Variants in PCDHA8 observed in about 807,000 individuals in gnomAD.
PCDHA8 encodes the protein protocadherin alpha 8.
Under a neutral mutation model 61.8 loss-of-function variants are expected in PCDHA8, and 53 were observed. The ratio of observed to expected loss-of-function variants is 0.86; its 90% confidence interval spans 0.69 to 1.08. PCDHA8 has a LOEUF of 1.08. PCDHA8 is among the 50% of genes least tolerant of loss of function. PCDHA8 has a pLI of 0.00. For missense variants in PCDHA8, 1,293 were observed against 1,245.0 expected, an observed-to-expected ratio of 1.04 and a Z score of -0.58; for synonymous variants, 618 against 556.6, an observed-to-expected ratio of 1.11 and a Z score of -1.55.
chr5:140,882,178 C>A (rs2058992068), intron 1 of PCDHA8: 1 of 1,517,822 alleles, frequency 6.6e-7, no homozygotes, highest in Non-Finnish European at 8.8e-7. Flanking sequence ...TCCTTCCGCA[C>A]TAGGAAGCCA....
At chr5:141,004,492 A>G (rs2098168083) in intron 3 of PCDHA8, among the ~76,000 whole-genome samples, 2 of 152,230 alleles carry the variant, frequency 1.3e-5, no homozygotes, top group South Asian at 2.1e-4. Context: ...AACTCTTGGC[A>G]GTCCTGCTGT....
intron 1 of PCDHA8, among the ~76,000 whole-genome samples, chr5:140,879,619 G>C (rs1554170883): frequency 6.6e-6 from 1 of 152,182 alleles, no homozygotes; most frequent in African/African-American, 2.4e-5. Flanking sequence ...CAGGTACTTA[G>C]GTGGGTAAGT....
chr5:140,850,436 A>G (rs2150484342), intron 1 of PCDHA8: 1 of 1,597,612 alleles, frequency 6.3e-7, no homozygotes, highest in Admixed American at 1.7e-5. Context: ...GCCAGCGCCT[A>G]CTGGTGCTGG....
At chr5:140,876,473 G>C in intron 1 of PCDHA8, 7 of 1,614,038 alleles carry the variant, frequency 4.3e-6, no homozygotes, top group African/African-American at 2.7e-5. Flanking sequence ...GCAGGTCACA[G>C]CATGGTCCTG....
In PCDHA8 at chr5:140,986,314, A is replaced by G. The variant is rs551389701; in HGVS notation, c.2542+3751A>G. On this transcript the variant is annotated intron_variant, in intron 3 of 3. Transcript: ENST00000531613. ...TGAGCAGAGAGAGAAAATTAGCTAA[A>G]TCAGGAATGCAGGGAATACAGTTGC... 9.4e-4 allele frequency among the ~76,000 whole-genome samples: 143 copies of G among 152,196 alleles called. 1 individual carries two copies. The highest frequency in any genetic ancestry group is 1.6e-3 in the Non-Finnish European group (110 of 68,030).
At chr5:140,912,465 C>T (rs2153521985) in intron 1 of PCDHA8, among the ~76,000 whole-genome samples, 1 of 151,968 alleles carries the variant, frequency 6.6e-6, no homozygotes, top group South Asian at 2.1e-4. Context: ...TATCCTGGAA[C>T]TTTACTGAAT....
At chr5:140,944,995 T>A (rs246062) in intron 1 of PCDHA8, among the ~76,000 whole-genome samples, 85,717 of 151,900 alleles carry the variant, frequency 0.56, 24,795 homozygotes, top group African/African-American at 0.69. Flanking sequence ...TCTGTAACGG[T>A]TGTGGGTCAT....
intron 1 of PCDHA8, among the ~76,000 whole-genome samples, chr5:140,880,418 G>T (rs1554171267): frequency 6.6e-6 from 1 of 152,090 alleles, no homozygotes; most frequent in Non-Finnish European, 1.5e-5. Flanking sequence ...CTTAAAAGCG[G>T]GAACAGTTTT....
intron 1 of PCDHA8, among the ~76,000 whole-genome samples, chr5:140,902,432 C>T (rs566549203): frequency 1.3e-5 from 2 of 152,128 alleles, no homozygotes; most frequent in African/African-American, 4.8e-5. Flanking sequence ...AAGTGGGCAT[C>T]CTTGTCATAT....
At chr5:140,992,486 A>G (rs2097515048) in intron 3 of PCDHA8, among the ~76,000 whole-genome samples, 1 of 152,182 alleles carries the variant, frequency 6.6e-6, no homozygotes, top group Non-Finnish European at 1.5e-5. Flanking sequence ...CCAGAGGCCA[A>G]TCTGTAAGGA....
intron 3 of PCDHA8, among the ~76,000 whole-genome samples, chr5:140,985,428 T>C (rs782337868): frequency 2.0e-5 from 3 of 152,192 alleles, no homozygotes; most frequent in Non-Finnish European, 4.4e-5. Context: ...GGAGGATTTA[T>C]TAGTTGCTGC....
At chr5:140,926,115 A>G (rs1554203115) in intron 1 of PCDHA8, among the ~76,000 whole-genome samples, 1 of 152,134 alleles carries the variant, frequency 6.6e-6, no homozygotes, top group East Asian at 1.9e-4. Context: ...AGGGTGCAGG[A>G]CAGACTTCAA....
intron 1 of PCDHA8, chr5:140,852,303 A>G: frequency 4.8e-6 from 2 of 418,848 alleles, no homozygotes; most frequent in Non-Finnish European, 6.7e-6. Flanking sequence ...TCTGAGACGG[A>G]GTCGTTTTCT....
chr5:140,975,216 G>C (rs1349439819), intron 1 of PCDHA8, among the ~76,000 whole-genome samples: 1 of 152,198 alleles, frequency 6.6e-6, no homozygotes, highest in Admixed American at 6.5e-5. Flanking sequence ...TGGCACTGGA[G>C]AATCTTCCCT....
At chr5:140,849,899 C>A in intron 1 of PCDHA8, 1 of 1,598,504 alleles carries the variant, frequency 6.3e-7, no homozygotes, top group South Asian at 1.1e-5. Flanking sequence ...AGGAGAACAA[C>A]CCGCCGGGCT....
chr5:140,855,827 A>G lies in PCDHA8; in HGVS notation c.2394+12112A>G. 2 of 557,722 alleles carry G rather than the reference A, an allele frequency of 3.6e-6. 1 individual carries two copies. Among genetic ancestry groups the G allele is most frequent in the South Asian group, 5.7e-5 (2 of 35,188 alleles). 34.5% of individuals were successfully genotyped at this position (557,722 alleles called of 1,614,324 possible). A position where few individuals can be genotyped will look rare whatever the true frequency, so the allele number is the denominator to read the frequency against. The stretch of plus-strand genomic sequence containing the variant: ...GAAAGAAAAGTTGTGAACTCATGGA[A>G]TCGTACTTACACCTAAAGCCACCGG... On this transcript the variant is annotated intron_variant, in intron 1 of 3. Coordinates refer to ENST00000531613, the MANE Select transcript of PCDHA8 (RefSeq NM_018911.3).
At chr5:140,925,124 A>AGGAAGG (rs1554202565) in intron 1 of PCDHA8, among the ~76,000 whole-genome samples, 1 of 151,852 alleles carries the variant, frequency 6.6e-6, no homozygotes, top group South Asian at 2.1e-4. Context: ...GAAGGAAGGA[A>AGGAAGG]AAAAAATTTC....
Position 140,843,077 on chromosome 5 carries a change from G to A in PCDHA8, c.1756G>A (p.Gly586Ser). Residue 586 changes from glycine to serine, a missense_variant, in exon 1 of 4, where the codon GGC becomes AGC. Gly to Ser is a moderately conservative substitution (Grantham distance 56). Transcript: ENST00000531613. ...AASKLVPRSV[G>S]AGHVVAKVRA... ...GAGCAAGCTGGTGCCGCGGTCTGTGGGCGCGGGCCACGTGGTAGCGAAGGT... is the reference window on the plus strand; with the variant it reads ...GAGCAAGCTGGTGCCGCGGTCTGTGAGCGCGGGCCACGTGGTAGCGAAGGT... The A allele has an allele frequency of 6.3e-7, 1 of 1,595,414 alleles. No homozygotes were observed. Among genetic ancestry groups the A allele is most frequent in the South Asian group, 1.1e-5 (1 of 90,480 alleles).
At chr5:140,987,544 A>G (rs1316604535) in intron 3 of PCDHA8, among the ~76,000 whole-genome samples, 1 of 152,180 alleles carries the variant, frequency 6.6e-6, no homozygotes, top group Non-Finnish European at 1.5e-5. Context: ...CCATTACTTA[A>G]CTTTCCTGAT....
Sources: gnomAD v4.1 joint callset for allele counts (sites outside exome capture counted in the v4.1 genomes callset) on GRCh38, gnomAD v4.1.1 for gene constraint, MANE v1.5 for transcripts, NCBI Gene and HGNC (gene_info 2026-07-23, HGNC 2026-07-21) for gene names.